Variants in LEKR1 observed in about 807,000 individuals in gnomAD.
LEKR1 encodes the protein protein LEKR1.
LEKR1 carries 59 observed loss-of-function variants against 72.4 expected under a neutral mutation model. The ratio of observed to expected loss-of-function variants is 0.82; its 90% CI spans 0.66 to 1.01. The LOEUF (loss-of-function observed/expected upper bound fraction) is 1.01, where lower values mean the gene tolerates loss of function less well. LEKR1 is among the 50% of genes least tolerant of loss of function. The pLI is 0.00. For missense variants in LEKR1, 728 were observed against 759.2 expected (o/e 0.96, Z 0.48); for synonymous variants, 257 against 263.2 (o/e 0.98, Z 0.23).
intron 1 of LEKR1, among the ~76,000 whole-genome samples, chr3:156,827,666 T>C (rs1711808982): frequency 3.9e-5 from 6 of 152,242 alleles, no homozygotes; most frequent in Admixed American, 3.9e-4. Context: ...TTCTGCATTG[T>C]GGAGCATTTT....
chr3:157,036,543 A>T (rs1454024406), intron 12 of LEKR1, among the ~76,000 whole-genome samples: 1 of 152,180 alleles, frequency 6.6e-6, no homozygotes, highest in African/African-American at 2.4e-5. Flanking sequence ...AAATGATACT[A>T]CCCTGGCAGC....
At chr3:156,832,956 A>G (rs1361600472) in intron 2 of LEKR1, among the ~76,000 whole-genome samples, 5 of 152,224 alleles carry the variant, frequency 3.3e-5, no homozygotes, top group Non-Finnish European at 7.3e-5. Context: ...GCAAAAAACT[A>G]TATTGCCATA....
chr3:157,008,099 CCTAAAGA>C (rs1288090862), intron 9 of LEKR1, among the ~76,000 whole-genome samples: 1 of 152,184 alleles, frequency 6.6e-6, no homozygotes, highest in African/African-American at 2.4e-5. Flanking sequence ...ATTTTTCCAG[CCTAAAGA>C]CTAATGTGCA....
chr3:156,865,988 A>G (rs1717268728), intron 3 of LEKR1, among the ~76,000 whole-genome samples: 1 of 152,016 alleles, frequency 6.6e-6, no homozygotes, highest in Admixed American at 6.6e-5. Context: ...CTCCTTAAAT[A>G]CAATTATTTG....
intron 6 of LEKR1, among the ~76,000 whole-genome samples, chr3:156,963,854 C>G (rs1156399966): frequency 1.3e-5 from 2 of 152,182 alleles, no homozygotes; most frequent in Admixed American, 6.6e-5. Context: ...CAGATTTCCA[C>G]TGCCTAGGAG....
At chr3:156,878,072 C>T (rs1718830842) in intron 3 of LEKR1, among the ~76,000 whole-genome samples, 1 of 151,900 alleles carries the variant, frequency 6.6e-6, no homozygotes, top group Non-Finnish European at 1.5e-5. Context: ...TGAGCCACCG[C>T]ACTGCCCAGC....
intron 9 of LEKR1, among the ~76,000 whole-genome samples, chr3:157,003,557 C>T (rs924113739): frequency 1.3e-5 from 2 of 152,148 alleles, no homozygotes; most frequent in African/African-American, 4.8e-5. Flanking sequence ...TGTCAGCATT[C>T]CTTAGCTCCT....
intron 3 of LEKR1, among the ~76,000 whole-genome samples, chr3:156,882,718 C>T (rs904105528): frequency 4.6e-5 from 7 of 152,148 alleles, no homozygotes; most frequent in Admixed American, 2.6e-4. Flanking sequence ...TTTATTGCGG[C>T]ATTATTCAGA....
chr3:156,888,308 T>G, intron 3 of LEKR1: 3 of 702,168 alleles, frequency 4.3e-6, no homozygotes, highest in Non-Finnish European at 7.8e-6. Context: ...AAAATATACT[T>G]CAGACTCATG....
At chr3:156,973,128 TAA>T (rs1729386834) in intron 6 of LEKR1, among the ~76,000 whole-genome samples, 1 of 152,174 alleles carries the variant, frequency 6.6e-6, no homozygotes, top group Admixed American at 6.6e-5. Flanking sequence ...CACTTAATTC[TAA>T]ACATATTTGC....
intron 3 of LEKR1, among the ~76,000 whole-genome samples, chr3:156,892,452 C>A (rs1457372894): frequency 6.6e-6 from 1 of 152,140 alleles, no homozygotes; most frequent in Non-Finnish European, 1.5e-5. Flanking sequence ...TGCTTTAAAT[C>A]CTCCAAGGGA....
chr3:156,851,211 TAGAGA>T (rs1190615316), intron 2 of LEKR1: 2 of 152,172 alleles, frequency 1.3e-5, no homozygotes, highest in Non-Finnish European at 2.9e-5. Context: ...AGTGTTGACC[TAGAGA>T]AGAGAAGACA....
At chr3:156,890,270 T>A (rs995957056) in intron 3 of LEKR1, among the ~76,000 whole-genome samples, 2 of 152,196 alleles carry the variant, frequency 1.3e-5, no homozygotes, top group Non-Finnish European at 2.9e-5. Context: ...CAGTCTGAAC[T>A]AACTCATTTA....
intron 3 of LEKR1, among the ~76,000 whole-genome samples, chr3:156,868,401 G>C (rs139475310): frequency 5.3e-4 from 80 of 152,100 alleles, no homozygotes; most frequent in African/African-American, 1.9e-3. Context: ...CCCGGGCTTT[G>C]TCACTGTCTG....
At chr3:156,853,171 AT>A in intron 3 of LEKR1, 189 bp downstream of exon 3, 2 of 326,630 alleles carry the variant, frequency 6.1e-6, no homozygotes, top group Non-Finnish European at 1.1e-5. Context: ...TGAGGCATAT[AT>A]TTACTATCTG....
At chr3:156,843,401 A>T (rs964118625) in intron 2 of LEKR1, among the ~76,000 whole-genome samples, 3 of 152,146 alleles carry the variant, frequency 2.0e-5, no homozygotes, top group East Asian at 1.9e-4. Context: ...TTGTTTTTTT[A>T]AAATGGTGAC....
chr3:156,954,526 AT>A (rs1386158128), intron 6 of LEKR1, among the ~76,000 whole-genome samples: 1 of 151,862 alleles, frequency 6.6e-6, no homozygotes, highest in African/African-American at 2.4e-5. Flanking sequence ...TCTTGAGTTG[AT>A]TTTTGTATAT....
chr3:157,028,313 A>G lies in LEKR1; in HGVS notation c.1579A>G (p.Lys527Glu), dbSNP rs958330627. The change falls in exon 12 of 13, where the codon AAG becomes GAG. Residue 527 changes from lysine (K) to glutamate (E), a missense_variant. Coordinates refer to ENST00000356539, the MANE Select transcript of LEKR1 (RefSeq NM_001004316.3). Reference sequence around the variant, plus strand: ...TGATTCAGTTTCAGAAAACTTGAGGAAGGAAATGGAACAGAAGTCGGATGA... The same window carrying G: ...TGATTCAGTTTCAGAAAACTTGAGGGAGGAAATGGAACAGAAGTCGGATGA... ...SNDSVSENLRKEMEQKSDELK... is the reference protein window; with the variant it reads ...SNDSVSENLREEMEQKSDELK... 31 of 1,613,392 alleles carry G rather than the reference A, an allele frequency of 1.9e-5. No homozygotes were observed. The highest frequency in any genetic ancestry group is 2.5e-5 in the Non-Finnish European group (30 of 1,179,698).
At position 157,028,473 on chromosome 3, in the gene LEKR1, C is replaced by T. The variant is rs943306480; in HGVS notation, c.1668+71C>T. 135 of 1,313,746 alleles carry T rather than the reference C, an allele frequency of 1.0e-4. 1 individual carries two copies. The Admixed American group carries it at 1.2e-3, about 12-fold the overall frequency. The allele number at this position is 1,313,746 out of a possible 1,614,324, so 81.4% of individuals were successfully genotyped here. On this transcript the variant is annotated intron_variant, in intron 12 of 12. Coordinates refer to ENST00000356539, the MANE Select transcript of LEKR1 (RefSeq NM_001004316.3). Reference sequence around the variant, plus strand: ...TGTTCTTTCAACAAACAAACAAAAACGTGAAAGGCAGCTTAGTTTCATGGA... The same window carrying T: ...TGTTCTTTCAACAAACAAACAAAAATGTGAAAGGCAGCTTAGTTTCATGGA...
Sources: gnomAD v4.1 joint callset for allele counts (sites outside exome capture counted in the v4.1 genomes callset) on GRCh38, gnomAD v4.1.1 for gene constraint, MANE v1.5 for transcripts, NCBI Gene and HGNC (gene_info 2026-07-23, HGNC 2026-07-21) for gene names.